The following HELB variants were observed in gnomAD, a reference collection of about 807,000 sequenced individuals.
The protein encoded by HELB is DNA 5'-3' helicase B.
Under a neutral mutation model 101.7 loss-of-function variants are expected in HELB, and 96 were observed. That is an observed-to-expected ratio of 0.94 (90% confidence interval 0.80 to 1.12). The LOEUF (loss-of-function observed/expected upper bound fraction) is 1.12, where lower values mean the gene tolerates loss of function less well. HELB is among the 50% of genes most tolerant of loss of function. HELB has a pLI of 0.00. For missense variants in HELB, 1,210 were observed against 1,291.9 expected, an observed-to-expected ratio of 0.94 and a Z score of 0.97; for synonymous variants, 437 against 459.7, an observed-to-expected ratio of 0.95 and a Z score of 0.63.
At chr12:66,342,657 A>C (rs1262101469), downstream of HELB, 1 of 150,992 alleles carries the variant, frequency 6.6e-6, no homozygotes. Context: ...GATTACAGGC[A>C]TGAGCCACTG....
At position 66,331,595 on chromosome 12, in the gene HELB, A is replaced by G. The variant is rs2137015621; in HGVS notation, c.3112A>G (p.Lys1038Glu). ...TGATTTACCAAAATCGCGAGCATCC[A>G]AAAGAACCTGTGGTGTGAATGATGA... is the stretch of plus-strand genomic sequence containing the variant. The part of the protein sequence containing the change: ...DDDLPKSRAS[K>E]RTCGVNDDES... Residue 1038 changes from lysine (K) to glutamate (E), a missense_variant, in exon 12 of 13, where the codon AAA (lysine) becomes GAA (glutamate). Around this residue, in one of 2 missense-constraint regions of HELB, gnomAD observed 740 missense variants for 728.8 expected, o/e 1.02. Transcript: ENST00000247815. 3 of 1,611,314 alleles carry G rather than the reference A, an allele frequency of 1.9e-6. No individual in the cohort carries two copies. Among genetic ancestry groups the G allele is most frequent in the Non-Finnish European group, 1.7e-6 (2 of 1,179,944 alleles).
At chr12:66,327,687 T>G (rs1368427735) in intron 11 of HELB, among the ~76,000 whole-genome samples, 1 of 152,210 alleles carries the variant, frequency 6.6e-6, no homozygotes, top group East Asian at 1.9e-4. Context: ...GAGACTCTGT[T>G]CTTGGTGTTT....
At chr12:66,327,567 G>C (rs55890066) in intron 11 of HELB, among the ~76,000 whole-genome samples, 26,405 of 151,698 alleles carry the variant, frequency 0.17, 2,816 homozygotes, top group Middle Eastern at 0.26. Flanking sequence ...TATCTTTCTG[G>C]TTATTTCATG....
intron 5 of HELB, 96 bp from the exon 6 acceptor site, chr12:66,315,146 A>G (rs2053589283): frequency 1.6e-5 from 13 of 807,154 alleles, no homozygotes; most frequent in Admixed American, 7.2e-5. Flanking sequence ...TGTTTTTTGT[A>G]AGGTATTTAA....
At chr12:66,343,221 T>G (rs1387664317) in intron 13 of HELB, 4 of 152,184 alleles carry the variant, frequency 2.6e-5, no homozygotes, top group Admixed American at 1.3e-4. Flanking sequence ...CCTACAGATT[T>G]GGGAACTATT....
rs1484448093 is a variant in HELB, at chr12:66,315,242, G to A, written c.1859G>A (p.Gly620Asp). The change falls in exon 6 of 13, where the codon GGT (glycine) becomes GAT (aspartate). Residue 620 changes from glycine (G) to aspartate (D), a missense_variant and splice_region_variant. This residue lies in a region of HELB where 740 missense variants were observed against 728.8 expected (regional missense o/e 1.02). Transcript: ENST00000247815. The part of the protein sequence containing the change: ...HSKLSKLIIL[G>D]DIRQLPSIEP... ...GCTACTGTATCTTTTTTTCTTTTAG[G>A]TGACATTAGACAGTTACCCAGTATT... 5.1e-6 allele frequency: 8 copies of A among 1,555,494 alleles called. No individual in the cohort carries two copies. The highest frequency in any genetic ancestry group is 6.1e-6 in the Non-Finnish European group (7 of 1,152,614).
At chr12:66,311,289 C>T (rs1332915773) in intron 4 of HELB, among the ~76,000 whole-genome samples, 2 of 152,062 alleles carry the variant, frequency 1.3e-5, no homozygotes, top group Non-Finnish European at 2.9e-5. Context: ...AGTGAGACCC[C>T]CATCTCTACA....
chr12:66,324,870 G>A (rs762893812), intron 10 of HELB, 113 bp from the exon 11 acceptor site: 1 of 1,300,486 alleles, frequency 7.7e-7, no homozygotes, highest in Non-Finnish European at 1.1e-6. Context: ...ATTCTTAATG[G>A]TAATTGTAAT....
chr12:66,321,001 G>T (rs572498427), intron 7 of HELB, among the ~76,000 whole-genome samples: 1 of 152,112 alleles, frequency 6.6e-6, no homozygotes, highest in East Asian at 1.9e-4. Context: ...TTCCTGTTCC[G>T]GAAGCCAGGG....
chr12:66,319,325 T>G (rs985028693), intron 7 of HELB, among the ~76,000 whole-genome samples: 1 of 152,178 alleles, frequency 6.6e-6, no homozygotes, highest in African/African-American at 2.4e-5. Context: ...TAGGACAGGG[T>G]TGAGAAAGAG....
chr12:66,311,792 G>A (rs1030741514), intron 4 of HELB, among the ~76,000 whole-genome samples: 1 of 151,650 alleles, frequency 6.6e-6, no homozygotes, highest in Non-Finnish European at 1.5e-5. Flanking sequence ...GTTTAAGCTT[G>A]TAAAGAGTTG....
intron 1 of HELB, among the ~76,000 whole-genome samples, chr12:66,303,283 T>C (rs1406444245): frequency 1.3e-5 from 2 of 152,074 alleles, no homozygotes; most frequent in Non-Finnish European, 1.5e-5. Context: ...CTTGTAATTA[T>C]TATCCTATAT....
chr12:66,310,717 G>C, intron 4 of HELB, 109 bp downstream of exon 4: 3 of 971,006 alleles, frequency 3.1e-6, no homozygotes, highest in Non-Finnish European at 4.6e-6. Flanking sequence ...CAGATCACAA[G>C]GTCAGGAGAT....
intron 10 of HELB, 31 bp downstream of exon 10, chr12:66,324,242 A>C: frequency 7.4e-7 from 1 of 1,359,840 alleles, no homozygotes. Flanking sequence ...ATATCTTTTA[A>C]CTAATTAGAG....
intron 4 of HELB, among the ~76,000 whole-genome samples, chr12:66,312,557 T>A (rs1212791707): frequency 6.6e-6 from 1 of 152,246 alleles, no homozygotes; most frequent in African/African-American, 2.4e-5. Context: ...CATGTCTGAT[T>A]AATCTGAAGG....
At chr12:66,306,825 C>T in intron 3 of HELB, among the ~76,000 whole-genome samples, 1 of 152,176 alleles carries the variant, frequency 6.6e-6, no homozygotes, top group East Asian at 1.9e-4. Context: ...TGTCCTGTAA[C>T]TAAATTGTCA....
At position 66,306,382 on chromosome 12, in the gene HELB, G is replaced by A. The variant is rs115259328; in HGVS notation, c.645G>A (p.Pro215=). ...FRNVMTALQF[P]KIMEFLPVLL... is the part of the protein sequence containing the mutation. ...ATGTAATGACAGCTTTGCAGTTTCC[G>A]AAGATAATGGAATTCCTTCCAGTTC... Residue 215 remains proline (P), a synonymous_variant, in exon 3 of 13, where the codon CCG becomes CCA. Transcript: ENST00000247815. 4.4e-5 allele frequency: 70 copies of A among 1,598,830 alleles called. No homozygotes were observed. The African/African-American group carries it at 6.2e-4, about 14-fold the overall frequency.
At chr12:66,342,366 TC>T (rs1420284041), downstream of HELB, 1 of 149,528 alleles carries the variant, frequency 6.7e-6, no homozygotes, top group African/African-American at 2.5e-5. Context: ...GATTCATGCA[TC>T]TTTTTTTTTT....
chr12:66,311,501 G>A (rs948311799), intron 4 of HELB, among the ~76,000 whole-genome samples: 20 of 152,036 alleles, frequency 1.3e-4, no homozygotes, highest in South Asian at 1.0e-3. Context: ...GAGTGTAGGC[G>A]TAATGATATA....
Sources: gnomAD v4.1 joint callset for allele counts (sites outside exome capture counted in the v4.1 genomes callset) on GRCh38, gnomAD v4.1.1 for gene constraint, gnomAD v4.1.1 regional missense constraint, MANE v1.5 for transcripts, NCBI Gene and HGNC (gene_info 2026-07-23, HGNC 2026-07-21) for gene names.